Variants in PTDSS1 observed in about 807,000 individuals in gnomAD.
The protein encoded by PTDSS1 is PSS-1.
Under a neutral mutation model 70.5 loss-of-function variants are expected in PTDSS1, and 45 were observed. The ratio of observed to expected loss-of-function variants is 0.64; its 90% CI spans 0.50 to 0.82. The LOEUF (loss-of-function observed/expected upper bound fraction) is 0.82. Ranked by LOEUF, PTDSS1 falls within the 40% of genes least tolerant of loss-of-function variation. The pLI is 0.00. For synonymous variants in PTDSS1, 188 were observed against 203.8 expected, an observed-to-expected ratio of 0.92 and a Z score of 0.66; for missense variants, 417 against 586.1, an observed-to-expected ratio of 0.71 and a Z score of 2.98.
chr8:96,302,163 G>T (rs1285179443), intron 6 of PTDSS1, among the ~76,000 whole-genome samples: 2 of 151,756 alleles, frequency 1.3e-5, no homozygotes, highest in Non-Finnish European at 2.9e-5. Context: ...TAATCCCCAG[G>T]TGGGATTACA....
chr8:96,305,129 C>T (rs887945954), intron 7 of PTDSS1, among the ~76,000 whole-genome samples: 2 of 152,116 alleles, frequency 1.3e-5, no homozygotes, highest in African/African-American at 4.8e-5. Context: ...CCCAATGTCA[C>T]GGAAAGCAGA....
At chr8:96,278,272 G>A (rs370245500) in intron 2 of PTDSS1, among the ~76,000 whole-genome samples, 23 of 152,342 alleles carry the variant, frequency 1.5e-4, no homozygotes, top group African/African-American at 5.5e-4. Flanking sequence ...GTTTAGAGGA[G>A]TAGGTGTTCA....
intron 1 of PTDSS1, among the ~76,000 whole-genome samples, chr8:96,263,279 A>G (rs1810438190): frequency 6.6e-6 from 1 of 152,200 alleles, no homozygotes; most frequent in South Asian, 2.1e-4. Flanking sequence ...ATAAGGAGGT[A>G]CACACCGTGG....
At position 96,299,719 on chromosome 8, in the gene PTDSS1, A is replaced by G. The variant is rs375073869; in HGVS notation, c.626A>G (p.Asn209Ser). The G allele has an allele frequency of 6.2e-6, 10 of 1,610,934 alleles. No individual in the cohort carries two copies. The highest frequency in any genetic ancestry group is 4.5e-5 in the East Asian group (2 of 44,810). Residue 209 changes from asparagine (N) to serine (S), a missense_variant, in exon 6 of 13, where the codon AAT becomes AGT. This residue lies in a region of PTDSS1 where 272 missense variants were observed against 429.5 expected (regional missense o/e 0.63). Coordinates refer to ENST00000517309, the MANE Select transcript of PTDSS1 (RefSeq NM_014754.3). ...TELFFMHLLP[N>S]FAECWWDQVI... ...CTCTTCTTCATGCATCTCCTCCCCA[A>G]TTTTGCCGAGTGCTGGTGGGATCAA...
intron 4 of PTDSS1, among the ~76,000 whole-genome samples, chr8:96,292,074 T>G (rs1810915048): frequency 6.7e-6 from 1 of 150,024 alleles, no homozygotes; most frequent in South Asian, 2.1e-4. Context: ...AGGTCAGGAG[T>G]TTGAGACCAG....
intron 10 of PTDSS1, among the ~76,000 whole-genome samples, chr8:96,323,856 C>T (rs1811404180): frequency 6.6e-6 from 1 of 152,198 alleles, no homozygotes; most frequent in African/African-American, 2.4e-5. Context: ...CATGGCCAGG[C>T]TTTGAATTTT....
Position 96,262,273 on chromosome 8 carries a change from G to GT in PTDSS1, c.179+54_179+55insT. On this transcript the variant is annotated intron_variant, in intron 1 of 12. Transcript: ENST00000517309. This position sits in a 1 kb window ranked among gnomAD's most constrained non-coding sequence, Gnocchi z 4.4. Reference sequence around the variant, plus strand: ...CGTCCAAGGGCTAGGGAAGAGGCGGGAGGGAGGGTGGCGGGGAGGGGGGCC... The same window carrying GT: ...CGTCCAAGGGCTAGGGAAGAGGCGGGTAGGGAGGGTGGCGGGGAGGGGGGCC... The GT allele has an allele frequency of 7.4e-7, 1 of 1,344,992 alleles. No homozygotes were observed. Among genetic ancestry groups the GT allele is most frequent in the Non-Finnish European group, 1.0e-6 (1 of 963,730 alleles). 83.3% of individuals were successfully genotyped at this position (1,344,992 alleles called of 1,614,324 possible). A position where few individuals can be genotyped will look rare whatever the true frequency, so the allele number is the denominator to read the frequency against.
intron 2 of PTDSS1, among the ~76,000 whole-genome samples, chr8:96,277,948 G>A (rs1488077237): frequency 3.3e-5 from 5 of 152,202 alleles, no homozygotes; most frequent in Admixed American, 2.0e-4. Context: ...GTAACAAGAC[G>A]TTCTGAGATA....
At chr8:96,310,523 C>G (rs1811195884) in intron 9 of PTDSS1, among the ~76,000 whole-genome samples, 1 of 151,044 alleles carries the variant, frequency 6.6e-6, no homozygotes, top group South Asian at 2.1e-4. Context: ...CCACAAACAA[C>G]TCTGAGACTT....
At chr8:96,331,201 C>T (rs1811511598) in intron 12 of PTDSS1, 106 bp downstream of exon 12, 7 of 1,070,882 alleles carry the variant, frequency 6.5e-6, no homozygotes, top group Non-Finnish European at 9.8e-6. Flanking sequence ...GGGTCTCAGG[C>T]CTACCCATTG....
At chr8:96,320,445 T>G (rs771125709) in intron 10 of PTDSS1, 100 bp downstream of exon 10, 94 of 1,009,524 alleles carry the variant, frequency 9.3e-5, no homozygotes, top group Middle Eastern at 6.4e-4. Flanking sequence ...CAAAGTTCCT[T>G]AGAAATTCAT....
intron 5 of PTDSS1, among the ~76,000 whole-genome samples, chr8:96,298,736 T>C (rs1402777400): frequency 6.6e-6 from 1 of 152,154 alleles, no homozygotes; most frequent in African/African-American, 2.4e-5. Flanking sequence ...ATTGTAACAC[T>C]TTCCTCAGTC....
At chr8:96,272,985 G>A (rs1411331121) in intron 1 of PTDSS1, among the ~76,000 whole-genome samples, 1 of 152,112 alleles carries the variant, frequency 6.6e-6, no homozygotes, top group African/African-American at 2.4e-5. Flanking sequence ...ATAACCTCTG[G>A]GCAGATATTC....
At position 96,284,120 on chromosome 8, in the gene PTDSS1, C is replaced by A. The variant is rs765352017; in HGVS notation, c.283C>A (p.Arg95=). Residue 95 remains arginine, a synonymous_variant, in exon 3 of 13, where the codon CGA becomes AGA. Coordinates refer to ENST00000517309, the MANE Select transcript of PTDSS1 (RefSeq NM_014754.3). The stretch of plus-strand genomic sequence containing the variant: ...TTATTTATCTGCAGGTCCGTTCACT[C>A]GACCTCATCCAGCCTTATGGCGAAT... ...VLAFPNGPFT[R]PHPALWRMVF... The A allele has an allele frequency of 1.2e-6, 2 of 1,610,070 alleles. No individual in the cohort carries two copies. Among genetic ancestry groups the A allele is most frequent in the South Asian group, 2.2e-5 (2 of 90,670 alleles).
In PTDSS1 at chr8:96,309,585, C is replaced by G; in HGVS notation, c.1036C>G (p.Gln346Glu). Residue 346 changes from glutamine (Q) to glutamate (E), a missense_variant, in exon 9 of 13, where the codon CAG becomes GAG. By Grantham distance (29) the Gln-to-Glu change is conservative. Around this residue, in one of 3 missense-constraint regions of PTDSS1, gnomAD observed 272 missense variants for 429.5 expected, o/e 0.63. Coordinates refer to ENST00000517309, the MANE Select transcript of PTDSS1 (RefSeq NM_014754.3). ...RQYYAYLTDT[Q>E]CKRVGTQCWV... ...GTACTACGCTTACCTCACCGACACACAGTGCAAGCGCGTAGGAACACAATG... is the reference window on the plus strand; with the variant it reads ...GTACTACGCTTACCTCACCGACACAGAGTGCAAGCGCGTAGGAACACAATG... 6.2e-7 allele frequency: 1 copy of G among 1,614,014 alleles called. No individual in the cohort carries two copies.
intron 9 of PTDSS1, among the ~76,000 whole-genome samples, chr8:96,313,077 A>G (rs904735191): frequency 6.6e-6 from 1 of 152,164 alleles, no homozygotes; most frequent in African/African-American, 2.4e-5. Flanking sequence ...GGGAAGGCAA[A>G]GGTCAAATAG....
intron 10 of PTDSS1, 49 bp from the exon 11 acceptor site, chr8:96,330,164 C>T: frequency 6.6e-7 from 1 of 1,521,690 alleles, no homozygotes; most frequent in South Asian, 1.1e-5. Context: ...CCCTGAAGTT[C>T]TGGGAAATTG....
At chr8:96,330,760 C>T (rs913250875) in intron 11 of PTDSS1, 11 of 459,462 alleles carry the variant, frequency 2.4e-5, no homozygotes, top group African/African-American at 3.9e-5. Flanking sequence ...ATATTTTTTT[C>T]GGTAAAAATA....
intron 12 of PTDSS1, among the ~76,000 whole-genome samples, chr8:96,331,519 ACT>A (rs1208563273): frequency 1.3e-4 from 19 of 150,838 alleles, no homozygotes; most frequent in East Asian, 7.8e-4. Flanking sequence ...GCAGAGTAAG[ACT>A]CTGTCTCAAA....
Sources: gnomAD v4.1 joint callset for allele counts (sites outside exome capture counted in the v4.1 genomes callset) on GRCh38, gnomAD v4.1.1 for gene constraint, gnomAD v4.1.1 regional missense constraint, Gnocchi (gnomAD v3.1) non-coding constraint, MANE v1.5 for transcripts, NCBI Gene and HGNC (gene_info 2026-07-23, HGNC 2026-07-21) for gene names.